The following KCNH1 variants were observed in gnomAD, a reference collection of about 807,000 sequenced individuals.
KCNH1 encodes potassium voltage-gated channel subfamily H member 1, also known as voltage-gated delayed rectifier potassium channel KCNH1.
Under a neutral mutation model 69.2 loss-of-function variants are expected in KCNH1, and 27 were observed. The observed-to-expected ratio is 0.39, with a 90% CI of 0.29 to 0.54. KCNH1 has a LOEUF of 0.54. KCNH1 is among the 20% of genes least tolerant of loss of function. KCNH1 has a pLI of 0.68. For missense variants in KCNH1, 798 were observed against 1,261.6 expected (o/e 0.63, Z 5.57); for synonymous variants, 456 against 487.7 (o/e 0.93, Z 0.86).
chr1:210,856,729 A>C (rs1291677221), intron 7 of KCNH1, among the ~76,000 whole-genome samples: 1 of 145,534 alleles, frequency 6.9e-6, no homozygotes, highest in Non-Finnish European at 1.5e-5. Context: ...TCTTACCCAG[A>C]GGAGCACATT....
At chr1:210,811,142 C>T (rs1425401660) in intron 7 of KCNH1, among the ~76,000 whole-genome samples, 1 of 152,180 alleles carries the variant, frequency 6.6e-6, no homozygotes, top group African/African-American at 2.4e-5. Context: ...CATATACTAC[C>T]TCTGTTTCAC....
chr1:211,128,095 C>G (rs1691813878), intron 1 of KCNH1, among the ~76,000 whole-genome samples: 1 of 152,010 alleles, frequency 6.6e-6, no homozygotes, highest in South Asian at 2.1e-4. Context: ...TCAAGACCAG[C>G]CTGACCAACA....
At chr1:210,881,591 T>G (rs1686495296) in intron 7 of KCNH1, among the ~76,000 whole-genome samples, 1 of 152,222 alleles carries the variant, frequency 6.6e-6, no homozygotes, top group Admixed American at 6.5e-5. Flanking sequence ...CATAGATATT[T>G]ACAGTAGCTT....
At chr1:211,029,756 C>G (rs756402981) in intron 5 of KCNH1, among the ~76,000 whole-genome samples, 9 of 151,896 alleles carry the variant, frequency 5.9e-5, no homozygotes, top group African/African-American at 1.5e-4. Flanking sequence ...TAAAAATATC[C>G]CTATTTGCAA....
At chr1:210,723,464 G>A (rs988368079) in intron 10 of KCNH1, among the ~76,000 whole-genome samples, 14 of 152,024 alleles carry the variant, frequency 9.2e-5, no homozygotes, top group Non-Finnish European at 2.1e-4. Context: ...GTCCATCCTG[G>A]CCCCTAGGAA....
chr1:210,975,221 A>T (rs1175198671), intron 6 of KCNH1, among the ~76,000 whole-genome samples: 1 of 152,184 alleles, frequency 6.6e-6, no homozygotes, highest in East Asian at 1.9e-4. Context: ...AATAGTTTTG[A>T]TATATTAGAA....
chr1:210,996,912 T>G (rs1430885949), intron 6 of KCNH1, among the ~76,000 whole-genome samples: 1 of 152,230 alleles, frequency 6.6e-6, no homozygotes, highest in Admixed American at 6.5e-5. Flanking sequence ...AAACAGCATC[T>G]GGAGTGGACC....
At chr1:210,953,541 C>T (rs1238842215) in intron 6 of KCNH1, among the ~76,000 whole-genome samples, 1 of 152,174 alleles carries the variant, frequency 6.6e-6, no homozygotes, top group Non-Finnish European at 1.5e-5. Flanking sequence ...GCTGCATTTC[C>T]ATAGCCCTCG....
intron 7 of KCNH1, among the ~76,000 whole-genome samples, chr1:210,889,658 A>T (rs972927196): frequency 1.3e-5 from 2 of 152,218 alleles, no homozygotes; most frequent in Admixed American, 1.3e-4. Context: ...AGAAAACCCC[A>T]TCATCTCAGC....
intron 6 of KCNH1, among the ~76,000 whole-genome samples, chr1:210,973,618 G>A (rs572384897): frequency 3.3e-5 from 5 of 152,218 alleles, no homozygotes; most frequent in African/African-American, 1.2e-4. Flanking sequence ...ACCTTACCAG[G>A]TAATGTTTCC....
At chr1:210,931,708 TA>T (rs1486395234) in intron 6 of KCNH1, among the ~76,000 whole-genome samples, 8 of 151,626 alleles carry the variant, frequency 5.3e-5, no homozygotes, top group African/African-American at 1.9e-4. Flanking sequence ...CAGCGAGATA[TA>T]AAAGAATACA....
At chr1:210,929,845 T>C (rs1312259595) in intron 6 of KCNH1, among the ~76,000 whole-genome samples, 4 of 152,164 alleles carry the variant, frequency 2.6e-5, no homozygotes, top group Admixed American at 6.5e-5. Context: ...GATACAAAAT[T>C]AATGTACACA....
chr1:210,965,775 A>G (rs1688388036), intron 6 of KCNH1, among the ~76,000 whole-genome samples: 1 of 152,232 alleles, frequency 6.6e-6, no homozygotes, highest in Admixed American at 6.5e-5. Flanking sequence ...CATGGATAGG[A>G]AGAATCAGTA....
rs991245329 is a variant in KCNH1 at position 210,683,088 on chromosome 1, AG to A, written c.*192del. The A allele has an allele frequency of 1.9e-5, 12 of 648,004 alleles. No homozygotes were observed. Among genetic ancestry groups the A allele is most frequent in the African/African-American group, 1.6e-4 (9 of 55,590 alleles). The allele number at this position is 648,004 out of a possible 1,614,324, so 40.1% of individuals were successfully genotyped here. On this transcript the variant is annotated 3_prime_UTR_variant, in exon 11 of 11. Coordinates refer to ENST00000271751, the MANE Select transcript of KCNH1 (RefSeq NM_172362.3). This position sits in a 1 kb window ranked among gnomAD's most constrained non-coding sequence, Gnocchi z 5.7. ...GGTTCAGATGCAGCTGCCACCTTGC[AG>A]GGTAGGGGCACGCTACCCTTCCCAT... is the stretch of plus-strand genomic sequence containing the variant.
At chr1:210,958,360 C>T (rs1041870694) in intron 6 of KCNH1, among the ~76,000 whole-genome samples, 4 of 152,228 alleles carry the variant, frequency 2.6e-5, no homozygotes, top group Non-Finnish European at 4.4e-5. Flanking sequence ...TTCATTTCAA[C>T]GTTGGTGAAT....
chr1:210,756,228 C>A (rs949758558), intron 10 of KCNH1, among the ~76,000 whole-genome samples: 8 of 152,194 alleles, frequency 5.3e-5, no homozygotes, highest in African/African-American at 1.9e-4. Context: ...AGCCTCATAT[C>A]TTGGTTCATC....
intron 7 of KCNH1, among the ~76,000 whole-genome samples, chr1:210,838,348 A>G (rs935747684): frequency 2.0e-5 from 3 of 152,322 alleles, no homozygotes; most frequent in African/African-American, 7.2e-5. Context: ...TCAACTAAAG[A>G]TGGATTAAAA....
At chr1:210,834,023 A>C (rs1252121202) in intron 7 of KCNH1, among the ~76,000 whole-genome samples, 2 of 152,234 alleles carry the variant, frequency 1.3e-5, no homozygotes, top group Non-Finnish European at 2.9e-5. Flanking sequence ...ATCATTAAAA[A>C]GTCAGGAAAC....
intron 6 of KCNH1, among the ~76,000 whole-genome samples, chr1:210,981,955 C>G (rs2062673): frequency 6.6e-6 from 1 of 151,860 alleles, no homozygotes; most frequent in Non-Finnish European, 1.5e-5. Context: ...TTGGGGGAAG[C>G]GGGTACGGTT....
Sources: allele counts gnomAD v4.1 joint callset (sites outside exome capture counted in the v4.1 genomes callset), GRCh38; gene constraint gnomAD v4.1.1; non-coding constraint Gnocchi (gnomAD v3.1); transcripts MANE v1.5; gene names NCBI Gene and HGNC (gene_info 2026-07-23, HGNC 2026-07-21).